PRR36: variants seen among roughly 807,000 people sequenced by gnomAD.
The protein encoded by PRR36 is proline rich 36.
PRR36 carries 30 observed loss-of-function variants against 58.6 expected under a neutral mutation model. That is an observed-to-expected ratio of 0.51 (90% CI 0.38 to 0.69). The LOEUF (loss-of-function observed/expected upper bound fraction) is 0.69. Among genes scored for constraint, PRR36 ranks in the 30% least tolerant of loss-of-function variants. The pLI, the probability that PRR36 is intolerant of heterozygous loss-of-function variation, is 0.00. For synonymous variants in PRR36, 771 were observed against 829.3 expected (o/e 0.93, Z 1.21); for missense variants, 1,692 against 1,805.6 (o/e 0.94, Z 1.14).
chr19:7,870,747 G>A lies in PRR36; in HGVS notation c.2497C>T (p.Leu833=). 1 of 1,324,280 alleles carries A rather than the reference G, an allele frequency of 7.6e-7. No homozygotes were observed. The highest frequency in any genetic ancestry group is 9.7e-7 in the Non-Finnish European group (1 of 1,033,750). The allele number at this position is 1,324,280 out of a possible 1,614,324, so 82.0% of individuals were successfully genotyped here. Residue 833 remains leucine (L), a synonymous_variant, in exon 5 of 6, where the codon CTG becomes TTG. Coordinates refer to ENST00000618550, the MANE Select transcript of PRR36 (RefSeq NM_001190467.2). ...GGAGGGGGCGTGGCCAAAGGAGACA[G>A]AGGGGGAGAGGGCAGGCCCTGCAAA... ...PPLQGLPSPP[L]SPLATPPPQA...
Position 7,872,185 on chromosome 19 carries a change from C to T in PRR36, c.1059G>A (p.Leu353=), listed in dbSNP as rs1357270405. 3 of 1,442,084 alleles carry T rather than the reference C, an allele frequency of 2.1e-6. No homozygotes were observed. Among genetic ancestry groups the T allele is most frequent in the Non-Finnish European group, 2.7e-6 (3 of 1,099,134 alleles). The allele number at this position is 1,442,084 out of a possible 1,614,324, so 89.3% of individuals were successfully genotyped here. A position where few individuals can be genotyped will look rare whatever the true frequency, so the allele number is the denominator to read the frequency against. The change falls in exon 5 of 6, where the codon CTG becomes CTA. Residue 353 remains leucine, a synonymous_variant. Transcript: ENST00000618550. This position sits in a 1 kb window ranked among gnomAD's most constrained non-coding sequence, Gnocchi z 6.1. ...AALQSQAPPT[L]PATPHSSSLT... ...GGCTCGACGAGTGGGGCGTGGCCGG[C>T]AGGGTGGGCGGGGCCTGACTTTGGA...
In PRR36 at chr19:7,872,476, C is replaced by G. The variant is rs1052566613; in HGVS notation, c.768G>C (p.Gly256=). The G allele has an allele frequency of 1.0e-5, 15 of 1,469,656 alleles. No individual in the cohort carries two copies. Among genetic ancestry groups the G allele is most frequent in the African/African-American group, 5.7e-5 (4 of 70,488 alleles). 91.0% of individuals were successfully genotyped at this position (1,469,656 alleles called of 1,614,324 possible). A position where few individuals can be genotyped will look rare whatever the true frequency, so the allele number is the denominator to read the frequency against. ...CCCTGGGTGTTCCGCGGGCTGAGGGCCCAGAACGGGCTGGGGAGGAGAGAG... is the reference window on the plus strand; with the variant it reads ...CCCTGGGTGTTCCGCGGGCTGAGGGGCCAGAACGGGCTGGGGAGGAGAGAG... The part of the protein sequence containing the change: ...ATPLSSPARS[G]PSARGTPRAP... Residue 256 remains glycine (G), a synonymous_variant, in exon 5 of 6, where the codon GGG becomes GGC. Transcript: ENST00000618550. The surrounding 1 kb of genome is among the most constrained non-coding windows in gnomAD (Gnocchi z 6.1).
Position 7,869,699 on chromosome 19 carries a change from C to A in PRR36, c.3529+16G>T. On this transcript the variant is annotated intron_variant, in intron 5 of 5. Coordinates refer to ENST00000618550, the MANE Select transcript of PRR36 (RefSeq NM_001190467.2). The stretch of plus-strand genomic sequence containing the variant: ...GACCCCGCCCACAGCCAGGCCGGGT[C>A]TGGGGTGCCCCTTACCTGGGGCTCC... The A allele has an allele frequency of 7.4e-7, 1 of 1,354,522 alleles. No individual in the cohort carries two copies. The highest frequency in any genetic ancestry group is 1.5e-5 in the African/African-American group (1 of 65,242). 83.9% of individuals were successfully genotyped at this position (1,354,522 alleles called of 1,614,324 possible). A position where few individuals can be genotyped will look rare whatever the true frequency, so the allele number is the denominator to read the frequency against.
rs1490506316 is a variant in PRR36 at position 7,869,194 on chromosome 19, G to A, written c.3880C>T (p.Arg1294Trp). Residue 1294 changes from arginine to tryptophan, a missense_variant, in exon 6 of 6, where the codon CGG becomes TGG. Around this residue, in one of 5 missense-constraint regions of PRR36, gnomAD observed 485 missense variants for 549.2 expected, o/e 0.88. Transcript: ENST00000618550. ...AEGGGVTGGA[R>W]AALSDAELGR... is the part of the protein sequence containing the mutation. ...AGTTCGGCGTCGCTGAGTGCAGCCC[G>A]GGCGCCCCCTGTGACGCCACCACCC... The A allele has an allele frequency of 2.0e-6, 3 of 1,532,054 alleles. No individual in the cohort carries two copies. The Admixed American group carries it at 5.9e-5, about 30-fold the overall frequency. The allele number at this position is 1,532,054 out of a possible 1,614,324, so 94.9% of individuals were successfully genotyped here. A position where few individuals can be genotyped will look rare whatever the true frequency, so the allele number is the denominator to read the frequency against.
Position 7,873,585 on chromosome 19 carries a change from G to T in PRR36, c.105C>A (p.Pro35=). Reference sequence around the variant, plus strand: ...GGGCTGCGGGAGTTACTGGGGGAGGGGGTCGAGGAGAGCCTGGGGGCCTGG... The same window carrying T: ...GGGCTGCGGGAGTTACTGGGGGAGGTGGTCGAGGAGAGCCTGGGGGCCTGG... The part of the protein sequence containing the change: ...LTPRPPGSPR[P]PPPVTPAALR... Residue 35 remains proline, a synonymous_variant, in exon 2 of 6, where the codon CCC becomes CCA. Transcript: ENST00000618550. This position sits in a 1 kb window ranked among gnomAD's most constrained non-coding sequence, Gnocchi z 5.0. 1 of 1,534,464 alleles carries T rather than the reference G, an allele frequency of 6.5e-7. No homozygotes were observed.
In PRR36 at chr19:7,871,390, G is replaced by C. The variant is rs1459576547; in HGVS notation, c.1854C>G (p.Gly618=). ...AATGTGTGGCCTGCAGAGTGGGTGA[G>C]CCCAAAGAAGTTGTGGCCTGCAGAG... ...LSSLQATTSL[G]SPTLQATHSF... The change falls in exon 5 of 6, where the codon GGC becomes GGG. Residue 618 remains glycine, a synonymous_variant. Transcript: ENST00000618550. 1 of 1,535,546 alleles carries C rather than the reference G, an allele frequency of 6.5e-7. No individual in the cohort carries two copies. Among genetic ancestry groups the C allele is most frequent in the African/African-American group, 1.4e-5 (1 of 72,876 alleles).
chr19:7,873,059 G>A lies in PRR36; in HGVS notation c.375-98C>T, dbSNP rs1160354313. ...GAAATGGGCATGTGCCCTCTCTGAG[G>A]ACCAATAATGGCTTTCACCCAATTT... On this transcript the variant is annotated intron_variant, in intron 3 of 5. Transcript: ENST00000618550. This position sits in a 1 kb window ranked among gnomAD's most constrained non-coding sequence, Gnocchi z 5.0. 2 of 1,320,596 alleles carry A rather than the reference G, an allele frequency of 1.5e-6. No homozygotes were observed. Among genetic ancestry groups the A allele is most frequent in the Non-Finnish European group, 2.1e-6 (2 of 957,560 alleles). 81.8% of individuals were successfully genotyped at this position (1,320,596 alleles called of 1,614,324 possible). A position where few individuals can be genotyped will look rare whatever the true frequency, so the allele number is the denominator to read the frequency against.
At position 7,872,899 on chromosome 19, in the gene PRR36, T is replaced by G; in HGVS notation, c.437A>C (p.Lys146Thr). ...ISAEETVARG[K>T]ATEAPKRSAL... The stretch of plus-strand genomic sequence containing the variant: ...ACTCCTTTTGGGAGCCTCTGTAGCT[T>G]TTCCTCTGGCCACAGTTTCCTCCGC... Residue 146 changes from lysine (K) to threonine (T), a missense_variant, in exon 4 of 6, where the codon AAA becomes ACA. Coordinates refer to ENST00000618550, the MANE Select transcript of PRR36 (RefSeq NM_001190467.2). The surrounding 1 kb of genome is among the most constrained non-coding windows in gnomAD (Gnocchi z 6.1). 18 of 1,536,040 alleles carry G rather than the reference T, an allele frequency of 1.2e-5. No individual in the cohort carries two copies. The highest frequency in any genetic ancestry group is 1.5e-5 in the Non-Finnish European group (17 of 1,146,852).
rs1980418121 is a variant in PRR36 at position 7,871,116 on chromosome 19, G to C, written c.2128C>G (p.Pro710Ala). Residue 710 changes from proline to alanine, a missense_variant, in exon 5 of 6, where the codon CCT (proline) becomes GCT (alanine). This residue lies in a region of PRR36 where 975 missense variants were observed against 955.2 expected (regional missense o/e 1.02). Coordinates refer to ENST00000618550, the MANE Select transcript of PRR36 (RefSeq NM_001190467.2). ...GCTAGGGAAGATTGGGTCTCCAGAGGGGGCATGATCAGGGAAGAGAGAGGT... is the reference window on the plus strand; with the variant it reads ...GCTAGGGAAGATTGGGTCTCCAGAGCGGGCATGATCAGGGAAGAGAGAGGT... ...QAPLSSLIMP[P>A]LETQSSLAPP... is the part of the protein sequence containing the mutation. The C allele has an allele frequency of 1.8e-5, 28 of 1,534,974 alleles. No homozygotes were observed. Among genetic ancestry groups the C allele is most frequent in the Non-Finnish European group, 2.4e-5 (28 of 1,146,378 alleles).
Position 7,869,339 on chromosome 19 carries a change from GC to G in PRR36, c.3734del (p.Gly1245AlafsTer17). The G allele has an allele frequency of 7.0e-7, 1 of 1,425,876 alleles. No homozygotes were observed. The highest frequency in any genetic ancestry group is 1.4e-5 in the South Asian group (1 of 69,062). 88.3% of individuals were successfully genotyped at this position (1,425,876 alleles called of 1,614,324 possible). ...SSRSPKQARLGELPLGALQAS... is the reference protein window; with the variant it reads ...SSRSPKQARLXELPLGALQAS... ...CCTGCAGCGCCCCCAGTGGCAGCTC[GC>G]CCAGGCGCGCCTGCTTCGGGCTCCG... On this transcript the variant is annotated frameshift_variant, in exon 6 of 6. Coordinates refer to ENST00000618550, the MANE Select transcript of PRR36 (RefSeq NM_001190467.2). LOFTEE classifies it high-confidence loss of function.
Position 7,872,801 on chromosome 19 carries a change from C to T in PRR36, c.488-45G>A, listed in dbSNP as rs891516236. On this transcript the variant is annotated intron_variant, in intron 4 of 5. Transcript: ENST00000618550. The surrounding 1 kb of genome is among the most constrained non-coding windows in gnomAD (Gnocchi z 6.1). The stretch of plus-strand genomic sequence containing the variant: ...CCAAGGGTCACCGATACCTCTGAGG[C>T]GGCTCCCCTTGCTGCCCAGGAACCC... 3.9e-6 allele frequency: 6 copies of T among 1,527,530 alleles called. No individual in the cohort carries two copies. Among genetic ancestry groups the T allele is most frequent in the East Asian group, 2.5e-5 (1 of 40,788 alleles). 94.6% of individuals were successfully genotyped at this position (1,527,530 alleles called of 1,614,324 possible).
Position 7,871,659 on chromosome 19 carries a change from A to G in PRR36, c.1585T>C (p.Leu529=). The G allele has an allele frequency of 1.3e-6, 2 of 1,535,788 alleles. No homozygotes were observed. The highest frequency in any genetic ancestry group is 1.7e-6 in the Non-Finnish European group (2 of 1,146,806). ...GGAGAGGGAGAGGCCTGCAGAGGCA[A>G]TGTGGCCAGAAGAGGAGAGTCCTGC... ...PLQDSPLLAT[L]PLQASPSPLT... is the part of the protein sequence containing the mutation. Residue 529 remains leucine, a synonymous_variant, in exon 5 of 6, where the codon TTG becomes CTG. Transcript: ENST00000618550.
rs1241313273 is a variant in PRR36, at chr19:7,869,419, G to A, written c.3655C>T (p.Pro1219Ser). The A allele has an allele frequency of 1.3e-6, 2 of 1,497,402 alleles. No individual in the cohort carries two copies. The highest frequency in any genetic ancestry group is 5.7e-5 in the East Asian group (2 of 35,276). The allele number at this position is 1,497,402 out of a possible 1,614,324, so 92.8% of individuals were successfully genotyped here. Residue 1219 changes from proline (P) to serine (S), a missense_variant, in exon 6 of 6, where the codon CCC becomes TCC. Physicochemically the swap from Pro to Ser is moderately conservative, Grantham distance 74 (BLOSUM62 -1). This residue lies in a region of PRR36 where 485 missense variants were observed against 549.2 expected (regional missense o/e 0.88). Coordinates refer to ENST00000618550, the MANE Select transcript of PRR36 (RefSeq NM_001190467.2). ...APGALDPGPS[P>S]GTSGGKAAAG... The stretch of plus-strand genomic sequence containing the variant: ...GCCGCCTTCCCACCGCTCGTGCCGG[G>A]ACTGGGCCCCGGATCCAGTGCGCCA...
In PRR36 at chr19:7,872,992, A is replaced by G; in HGVS notation, c.375-31T>C. 1 of 1,508,888 alleles carries G rather than the reference A, an allele frequency of 6.6e-7. No homozygotes were observed. The highest frequency in any genetic ancestry group is 8.9e-7 in the Non-Finnish European group (1 of 1,124,812). The allele number at this position is 1,508,888 out of a possible 1,614,324, so 93.5% of individuals were successfully genotyped here. A position where few individuals can be genotyped will look rare whatever the true frequency, so the allele number is the denominator to read the frequency against. ...GACAGAAGGGGCCACGCTCAGGCCT[A>G]GGTCTTTGTTTGGCTTCCCAAGTCT... On this transcript the variant is annotated intron_variant, in intron 3 of 5. Coordinates refer to ENST00000618550, the MANE Select transcript of PRR36 (RefSeq NM_001190467.2). This position sits in a 1 kb window ranked among gnomAD's most constrained non-coding sequence, Gnocchi z 6.1.
Position 7,870,573 on chromosome 19 carries a change from GA to G in PRR36, c.2670del (p.Ser892HisfsTer30). 1.2e-6 allele frequency: 1 copy of G among 854,518 alleles called. No homozygotes were observed. Among genetic ancestry groups the G allele is most frequent in the Non-Finnish European group, 1.4e-6 (1 of 702,378 alleles). 52.9% of individuals were successfully genotyped at this position (854,518 alleles called of 1,614,324 possible). On this transcript the variant is annotated frameshift_variant, in exon 5 of 6. Coordinates refer to ENST00000618550, the MANE Select transcript of PRR36 (RefSeq NM_001190467.2). LOFTEE classifies it high-confidence loss of function. ...AAAGGGGCCTGCACTGGGGGTGAGGGAGGGGGAGAGAAAGGGGCCTGCAGAA... is the reference window on the plus strand; with the variant it reads ...AAAGGGGCCTGCACTGGGGGTGAGGGGGGGGAGAGAAAGGGGCCTGCAGAA... ...VHLLQAPFSP[P>X]PSPPVQAPFS...
Position 7,872,094 on chromosome 19 carries a change from G to A in PRR36, c.1150C>T (p.Gln384Ter). 1 of 1,533,528 alleles carries A rather than the reference G, an allele frequency of 6.5e-7. No individual in the cohort carries two copies. The highest frequency in any genetic ancestry group is 8.7e-7 in the Non-Finnish European group (1 of 1,145,724). 95.0% of individuals were successfully genotyped at this position (1,533,528 alleles called of 1,614,324 possible). Residue 384 changes from glutamine (Q) to a stop codon, truncating the protein, a stop_gained, in exon 5 of 6, where the codon CAG becomes TAG. Transcript: ENST00000618550. LOFTEE classifies it high-confidence loss of function. The surrounding 1 kb of genome is among the most constrained non-coding windows in gnomAD (Gnocchi z 6.1). ...GTGGCTGGTGGAGAGGGGAGGGTCT[G>A]CAGAGAAGGTGGAGCAGAGGGAGAA... The part of the protein sequence containing the change: ...PPSPSAPPSL[Q>*]TLPSPPATPP...
In PRR36 at chr19:7,873,803, A is replaced by C; in HGVS notation, c.-7-107T>G. 8.7e-7 allele frequency: 1 copy of C among 1,154,506 alleles called. No individual in the cohort carries two copies. Among genetic ancestry groups the C allele is most frequent in the Non-Finnish European group, 1.2e-6 (1 of 837,470 alleles). The allele number at this position is 1,154,506 out of a possible 1,614,324, so 71.5% of individuals were successfully genotyped here. ...CCTTTCGCAGCATCGCCACCCATGG[A>C]CACTCAAACCTCGGCCTCGGCTTCC... On this transcript the variant is annotated intron_variant, in intron 1 of 5. Transcript: ENST00000618550. This position sits in a 1 kb window ranked among gnomAD's most constrained non-coding sequence, Gnocchi z 5.0.
Position 7,870,108 on chromosome 19 carries a change from A to G in PRR36, c.3136T>C (p.Leu1046=). 1 of 1,477,556 alleles carries G rather than the reference A, an allele frequency of 6.8e-7. No individual in the cohort carries two copies. The highest frequency in any genetic ancestry group is 8.9e-7 in the Non-Finnish European group (1 of 1,120,476). 91.5% of individuals were successfully genotyped at this position (1,477,556 alleles called of 1,614,324 possible). A position where few individuals can be genotyped will look rare whatever the true frequency, so the allele number is the denominator to read the frequency against. Residue 1046 remains leucine, a synonymous_variant, in exon 5 of 6, where the codon TTG becomes CTG. Transcript: ENST00000618550. ...SPSASLPMSP[L]ATPPPQAPPV... Reference sequence around the variant, plus strand: ...GGGGCCTGTGGAGGAGGCGTGGCCAAAGGAGACATTGGGAGTGAGGCAGAG... The same window carrying G: ...GGGGCCTGTGGAGGAGGCGTGGCCAGAGGAGACATTGGGAGTGAGGCAGAG...
rs996933194 is a variant in PRR36, at chr19:7,873,578, G to C, written c.112C>G (p.Pro38Ala). Residue 38 changes from proline to alanine, a missense_variant, in exon 2 of 6, where the codon CCA (proline) becomes GCA (alanine). Pro to Ala is a conservative substitution (Grantham distance 27). Coordinates refer to ENST00000618550, the MANE Select transcript of PRR36 (RefSeq NM_001190467.2). This position sits in a 1 kb window ranked among gnomAD's most constrained non-coding sequence, Gnocchi z 5.0. ...RPPGSPRPPP[P>A]VTPAALRVLG... ...ACTCGGAGGGCTGCGGGAGTTACTG[G>C]GGGAGGGGGTCGAGGAGAGCCTGGG... The C allele has an allele frequency of 6.5e-7, 1 of 1,534,804 alleles. No homozygotes were observed. Among genetic ancestry groups the C allele is most frequent in the East Asian group, 2.4e-5 (1 of 40,860 alleles).
Sources: gnomAD v4.1 joint callset for allele counts on GRCh38, gnomAD v4.1.1 for gene constraint, gnomAD v4.1.1 regional missense constraint, Gnocchi (gnomAD v3.1) non-coding constraint, MANE v1.5 for transcripts, NCBI Gene and HGNC (gene_info 2026-07-23, HGNC 2026-07-21) for gene names.